The following TSC2 variants were observed in gnomAD, a reference collection of about 807,000 sequenced individuals.
The protein encoded by TSC2 is TSC complex subunit 2.
A neutral mutation model predicts 202.2 loss-of-function variants in TSC2; 29 were observed. The ratio of observed to expected loss-of-function variants is 0.14; its 90% CI spans 0.11 to 0.20. TSC2 has a LOEUF of 0.20. TSC2 is among the 10% of genes least tolerant of loss of function. The pLI, the probability that TSC2 is intolerant of heterozygous loss-of-function variation, is 1.00. For synonymous variants in TSC2, 1,349 were observed against 1,044.0 expected, an observed-to-expected ratio of 1.29 and a Z score of -5.63; for missense variants, 2,429 against 2,420.0, an observed-to-expected ratio of 1.00 and a Z score of -0.08.
At chr16:2,083,359 C>T (rs900953867) in intron 32 of TSC2, 10 of 481,716 alleles carry the variant, frequency 2.1e-5, no homozygotes, top group African/African-American at 3.9e-5. Flanking sequence ...TTCAGGCTCC[C>T]GCTCTTTTAG....
intron 25 of TSC2, 92 bp downstream of exon 25, chr16:2,076,677 T>G (rs2089434258): frequency 7.7e-7 from 1 of 1,299,614 alleles, no homozygotes; most frequent in Non-Finnish European, 1.1e-6. Flanking sequence ...AGTCAGTGAG[T>G]GGAAATGGGT....
chr16:2,053,319 G>A (rs368243183), intron 3 of TSC2, 23 bp from the exon 4 acceptor site: 40 of 1,559,310 alleles, frequency 2.6e-5, no homozygotes, highest in Non-Finnish European at 3.1e-5. Flanking sequence ...CATCCTCACC[G>A]CTGTCCCCTC....
At chr16:2,048,256 A>G in intron 1 of TSC2, 191 bp downstream of exon 1, 1 of 1,305,320 alleles carries the variant, frequency 7.7e-7, no homozygotes, top group Non-Finnish European at 1.1e-6. Context: ...GCTCCGTGAC[A>G]GCTCCTGCTT....
intron 38 of TSC2, 39 bp from the exon 39 acceptor site, chr16:2,087,824 C>T (rs772257297): frequency 3.4e-5 from 54 of 1,608,396 alleles, no homozygotes; most frequent in South Asian, 4.4e-5. Context: ...CTTCAGCACA[C>T]GCTGTGTGCG....
At chr16:2,082,782 C>T in intron 32 of TSC2, 1 of 561,560 alleles carries the variant, frequency 1.8e-6, no homozygotes, top group Non-Finnish European at 3.2e-6. Context: ...CCTGAGTCTC[C>T]ATGGTGACAT....
At chr16:2,058,153 G>A (rs1164626376) in intron 9 of TSC2, among the ~76,000 whole-genome samples, 6 of 118,652 alleles carry the variant, frequency 5.1e-5, no homozygotes, top group Non-Finnish European at 1.0e-4. Flanking sequence ...CCCTCCTCCC[G>A]TAGAACCAGG....
rs2150994586 is a variant in TSC2, at chr16:2,050,387, C to T, written c.139-13C>T. 6.2e-7 allele frequency: 1 copy of T among 1,613,568 alleles called. No individual in the cohort carries two copies. Among genetic ancestry groups the T allele is most frequent in the East Asian group, 2.2e-5 (1 of 44,878 alleles). Reference sequence around the variant, plus strand: ...GAGCACTGGCCCCTTTTTCTTCTTTCATCTCTCTCCAGGAACTGAGCATGG... The same window carrying T: ...GAGCACTGGCCCCTTTTTCTTCTTTTATCTCTCTCCAGGAACTGAGCATGG... On this transcript the variant is annotated splice_polypyrimidine_tract_variant and intron_variant, in intron 2 of 41. Coordinates refer to ENST00000219476, the MANE Select transcript of TSC2 (RefSeq NM_000548.5).
Position 2,088,780 on chromosome 16 carries a change from A to C in TSC2, c.*170A>C. The C allele has an allele frequency of 1.1e-6, 1 of 914,798 alleles. No homozygotes were observed. The highest frequency in any genetic ancestry group is 1.6e-6 in the Non-Finnish European group (1 of 619,104). The allele number at this position is 914,798 out of a possible 1,614,324, so 56.7% of individuals were successfully genotyped here. A position where few individuals can be genotyped will look rare whatever the true frequency, so the allele number is the denominator to read the frequency against. On this transcript the variant is annotated 3_prime_UTR_variant, in exon 42 of 42. Transcript: ENST00000219476. Reference sequence around the variant, plus strand: ...GTTGGGGGGGTGTCGAGGCTCTAGAAGCGGCCATGCCCACAGAAGTGGTAC... The same window carrying C: ...GTTGGGGGGGTGTCGAGGCTCTAGACGCGGCCATGCCCACAGAAGTGGTAC...
intron 14 of TSC2, 152 bp from the exon 15 acceptor site, chr16:2,064,120 G>C: frequency 7.9e-7 from 1 of 1,273,854 alleles, no homozygotes; most frequent in Non-Finnish European, 1.1e-6. Flanking sequence ...TCTGAGTCGC[G>C]CTCAGCGGGT....
intron 26 of TSC2, 70 bp downstream of exon 26, chr16:2,077,796 A>G: frequency 1.2e-6 from 2 of 1,600,714 alleles, no homozygotes; most frequent in South Asian, 1.1e-5. Context: ...GTGGCAGTGC[A>G]TGGGGCTGCT....
At position 2,048,757 on chromosome 16, in the gene TSC2, A is replaced by G. The variant is rs779611259; in HGVS notation, c.138+4A>G. On this transcript the variant is annotated splice_donor_region_variant and intron_variant, in intron 2 of 41. Transcript: ENST00000219476. ...CATCACCGCGGAAATACTGAGAGTG[A>G]GTGAGCTACCTGTGTCTTTGCTAGG... 2 of 1,613,900 alleles carry G rather than the reference A, an allele frequency of 1.2e-6. No homozygotes were observed. Among genetic ancestry groups the G allele is most frequent in the East Asian group, 2.2e-5 (1 of 44,904 alleles).
At chr16:2,087,025 G>A (rs976349651) in intron 38 of TSC2, 154 bp downstream of exon 38, 42 of 1,188,570 alleles carry the variant, frequency 3.5e-5, no homozygotes, top group South Asian at 1.2e-4. Context: ...GCTTCACCCC[G>A]AGCCTGCGTT....
At chr16:2,060,520 C>G in intron 10 of TSC2, 150 bp from the exon 11 acceptor site, 2 of 1,340,150 alleles carry the variant, frequency 1.5e-6, no homozygotes, top group Admixed American at 3.5e-5. Flanking sequence ...CTCCTGGGCG[C>G]CCCACCTGCT....
chr16:2,080,738 C>A (rs989940518), intron 30 of TSC2: 3 of 277,794 alleles, frequency 1.1e-5, no homozygotes, highest in African/African-American at 6.7e-5. Context: ...CCCGCCTTGG[C>A]CTCCCAAAGT....
chr16:2,053,335 G>C lies in TSC2; in HGVS notation c.226-7G>C, dbSNP rs1555496912. The C allele has an allele frequency of 1.3e-6, 2 of 1,573,504 alleles. No individual in the cohort carries two copies. The highest frequency in any genetic ancestry group is 4.0e-4 in the Middle Eastern group (2 of 5,006). ...ATCCTCACCGCTGTCCCCTCTGCTG[G>C]TGACAGCACGCAGTGGAAGCACTCT... On this transcript the variant is annotated splice_region_variant and splice_polypyrimidine_tract_variant and intron_variant, in intron 3 of 41. Coordinates refer to ENST00000219476, the MANE Select transcript of TSC2 (RefSeq NM_000548.5).
In TSC2 at chr16:2,071,798, G is replaced by C. The variant is rs533431280; in HGVS notation, c.1961G>C (p.Gly654Ala). The change falls in exon 19 of 42, where the codon GGC (glycine) becomes GCC (alanine). Residue 654 changes from glycine (G) to alanine (A), a missense_variant. Transcript: ENST00000219476. ...CVCDYMEPER[G>A]SEKKTSGPLS... ...TGCTTCTGCAGGGAGCCAGAGAGAGGCTCTGAGAAGAAGACCAGCGGCCCC... is the reference window on the plus strand; with the variant it reads ...TGCTTCTGCAGGGAGCCAGAGAGAGCCTCTGAGAAGAAGACCAGCGGCCCC... 1 of 1,606,212 alleles carries C rather than the reference G, an allele frequency of 6.2e-7. No homozygotes were observed. The highest frequency in any genetic ancestry group is 2.2e-5 in the East Asian group (1 of 44,618).
chr16:2,073,354 C>T (rs1368864080), intron 21 of TSC2, among the ~76,000 whole-genome samples: 4 of 152,226 alleles, frequency 2.6e-5, no homozygotes, highest in African/African-American at 4.8e-5. Flanking sequence ...CTTCTGCCTC[C>T]CTCCACGCCC....
chr16:2,086,431 T>A (rs2090801557), intron 37 of TSC2, 52 bp downstream of exon 37: 1 of 1,586,740 alleles, frequency 6.3e-7, no homozygotes, highest in African/African-American at 1.4e-5. Flanking sequence ...AGGGCACGGC[T>A]CCCATCCAGT....
At chr16:2,057,977 G>A (rs1286332006) in intron 9 of TSC2, among the ~76,000 whole-genome samples, 8 of 76,976 alleles carry the variant, frequency 1.0e-4, no homozygotes, top group Non-Finnish European at 1.8e-4. Context: ...GCCCTGCCTC[G>A]GCCCCTGCAT....
Sources: allele counts gnomAD v4.1 joint callset (sites outside exome capture counted in the v4.1 genomes callset), GRCh38; gene constraint gnomAD v4.1.1; transcripts MANE v1.5; gene names NCBI Gene and HGNC (gene_info 2026-07-23, HGNC 2026-07-21).